The following VRK3 variants were observed in gnomAD, a reference collection of about 807,000 sequenced individuals.
VRK3 encodes serine/threonine-protein kinase VRK3.
Under a neutral mutation model 60.4 loss-of-function variants are expected in VRK3, and 50 were observed. The ratio of observed to expected loss-of-function variants is 0.83; its 90% confidence interval spans 0.66 to 1.05. The LOEUF (loss-of-function observed/expected upper bound fraction) is 1.05. Among genes scored for constraint, VRK3 ranks in the 50% least tolerant of loss-of-function variants. The pLI, the probability that VRK3 is intolerant of heterozygous loss-of-function variation, is 0.00. For missense variants in VRK3, 549 were observed against 585.3 expected (o/e 0.94, Z 0.64); for synonymous variants, 246 against 227.8 (o/e 1.08, Z -0.72).
intron 5 of VRK3, among the ~76,000 whole-genome samples, chr19:50,001,627 G>C (rs1028151372): frequency 6.6e-6 from 1 of 152,194 alleles, no homozygotes; most frequent in Non-Finnish European, 1.5e-5. Context: ...TCCCCCGACA[G>C]AGCCTGCTCC....
chr19:50,008,237 T>C (rs1164802858), intron 4 of VRK3, among the ~76,000 whole-genome samples: 1 of 152,002 alleles, frequency 6.6e-6, no homozygotes, highest in African/African-American at 2.4e-5. Context: ...TCTAGACATT[T>C]ACCCAAAAAC....
Position 50,007,756 on chromosome 19 carries a change from C to T in VRK3, c.360G>A (p.Arg120=). 1 of 1,614,032 alleles carries T rather than the reference C, an allele frequency of 6.2e-7. No homozygotes were observed. The highest frequency in any genetic ancestry group is 8.5e-7 in the Non-Finnish European group (1 of 1,180,030). The change falls in exon 5 of 15, where the codon AGG becomes AGA. Residue 120 remains arginine, a synonymous_variant. Coordinates refer to ENST00000316763, the MANE Select transcript of VRK3 (RefSeq NM_016440.4). ...QKTRKSPQVT[R]GSPQKTSCSP... ...TACAGCTGGTCTTCTGAGGGCTACC[C>T]CTGGTCACCTGAGGGCTCTTCCTGG...
intron 7 of VRK3, 59 bp downstream of exon 7, chr19:49,997,445 T>C (rs2076724843): frequency 6.3e-7 from 1 of 1,589,442 alleles, no homozygotes; most frequent in Non-Finnish European, 8.6e-7. Flanking sequence ...AGTCAAGTGC[T>C]GTGACCAAGT....
intron 1 of VRK3, among the ~76,000 whole-genome samples, chr19:50,021,682 T>C (rs2077172592): frequency 6.6e-6 from 1 of 152,214 alleles, no homozygotes; most frequent in Non-Finnish European, 1.5e-5. Flanking sequence ...ATAGGATCCA[T>C]GGGCACAAGA....
intron 3 of VRK3, among the ~76,000 whole-genome samples, chr19:50,015,102 C>T (rs1221672800): frequency 6.6e-6 from 1 of 152,006 alleles, no homozygotes; most frequent in African/African-American, 2.4e-5. Flanking sequence ...GAATGGAGTG[C>T]TATTCATGGC....
Position 49,978,103 on chromosome 19 carries a change from C to A in VRK3, c.*11+980G>T, listed in dbSNP as rs1411191637. Among the ~76,000 whole-genome samples, 11 of 152,266 alleles carry A rather than the reference C, an allele frequency of 7.2e-5. No homozygotes were observed. The South Asian group carries it at 2.3e-3, about 32-fold the overall frequency. On this transcript the variant is annotated intron_variant, in intron 14 of 14. Coordinates refer to ENST00000316763, the MANE Select transcript of VRK3 (RefSeq NM_016440.4). ...ATCTCACAATCGTGGTGCTGCTGAC[C>A]ACGGGGCCGGGGGATTCTTTGTGGG...
chr19:50,016,154 G>C lies in VRK3; in HGVS notation c.9C>G (p.Ser3=). The change falls in exon 3 of 15, where the codon TCC becomes TCG. Residue 3 remains serine (S), a synonymous_variant. Coordinates refer to ENST00000316763, the MANE Select transcript of VRK3 (RefSeq NM_016440.4). MI[S]FCPDCGKSIQ... ...TACTTTTGCCACAGTCTGGACAGAA[G>C]GAGATCATGCTACAAAACAGAATGA... is the stretch of plus-strand genomic sequence containing the variant. 6.2e-7 allele frequency: 1 copy of C among 1,614,130 alleles called. No homozygotes were observed. The highest frequency in any genetic ancestry group is 1.1e-5 in the South Asian group (1 of 91,086).
At chr19:50,024,201 G>C (rs1317852214) in intron 1 of VRK3, among the ~76,000 whole-genome samples, 1 of 152,180 alleles carries the variant, frequency 6.6e-6, no homozygotes, top group African/African-American at 2.4e-5. Flanking sequence ...GTCTCCTAAA[G>C]TGCTGGGACT....
intron 12 of VRK3, among the ~76,000 whole-genome samples, chr19:49,985,701 G>T (rs11083993): frequency 6.6e-6 from 1 of 152,128 alleles, no homozygotes; most frequent in African/African-American, 2.4e-5. Flanking sequence ...CCTGAGGGCA[G>T]GGATTTTTGT....
intron 5 of VRK3, among the ~76,000 whole-genome samples, chr19:50,002,342 A>G (rs1292994721): frequency 6.6e-6 from 1 of 152,136 alleles, no homozygotes; most frequent in Non-Finnish European, 1.5e-5. Flanking sequence ...CTCTGAGCCC[A>G]GGGGAAGAGA....
intron 10 of VRK3, 21 bp downstream of exon 10, chr19:49,992,839 T>A (rs1052833141): frequency 3.7e-6 from 6 of 1,611,310 alleles, no homozygotes; most frequent in Non-Finnish European, 5.1e-6. Context: ...TCTTCCAGAG[T>A]GGGCAGGAGC....
At chr19:49,979,358 AG>A (rs1393028860) in intron 13 of VRK3, 116 bp from the exon 14 acceptor site, 4 of 950,414 alleles carry the variant, frequency 4.2e-6, no homozygotes, top group Non-Finnish European at 5.8e-6. Context: ...TGAGGGTCTC[AG>A]CAAAAGTGCC....
chr19:49,994,348 C>G (rs1289750955), intron 9 of VRK3, among the ~76,000 whole-genome samples: 2 of 152,222 alleles, frequency 1.3e-5, no homozygotes, highest in Non-Finnish European at 2.9e-5. Context: ...GGGACAGCGT[C>G]TGGCACCCAG....
At chr19:50,015,962 GAC>G (rs2077069286) in intron 3 of VRK3, 60 bp downstream of exon 3, 13 of 1,603,366 alleles carry the variant, frequency 8.1e-6, no homozygotes, top group South Asian at 7.7e-5. Context: ...TCCCTCCGCA[GAC>G]ACACACGTGT....
chr19:50,023,700 T>C (rs2077208280), intron 1 of VRK3, among the ~76,000 whole-genome samples: 1 of 151,444 alleles, frequency 6.6e-6, no homozygotes, highest in Admixed American at 6.6e-5. Context: ...GAATAAATCA[T>C]TGTCTCCTTT....
chr19:49,988,604 C>T, intron 11 of VRK3, 112 bp from the exon 12 acceptor site: 1 of 1,405,322 alleles, frequency 7.1e-7, no homozygotes, highest in Non-Finnish European at 9.4e-7. Flanking sequence ...CACTCATACA[C>T]CCAGCCTTCC....
At chr19:50,013,121 C>A (rs529589757) in intron 3 of VRK3, among the ~76,000 whole-genome samples, 1 of 152,050 alleles carries the variant, frequency 6.6e-6, no homozygotes, top group Non-Finnish European at 1.5e-5. Context: ...GAGCCAAGAT[C>A]GCGTCACTGC....
chr19:50,010,624 C>T (rs2076979565), intron 3 of VRK3, among the ~76,000 whole-genome samples: 1 of 152,192 alleles, frequency 6.6e-6, no homozygotes, highest in South Asian at 2.1e-4. Context: ...TAGGAACTCT[C>T]CAAGAAGGCT....
At chr19:50,009,656 T>C (rs2076961830) in intron 3 of VRK3, among the ~76,000 whole-genome samples, 1 of 152,146 alleles carries the variant, frequency 6.6e-6, no homozygotes, top group Middle Eastern at 3.2e-3. Flanking sequence ...ATATTTGAGA[T>C]GGAGTCTCAC....
Sources: allele counts gnomAD v4.1 joint callset (sites outside exome capture counted in the v4.1 genomes callset), GRCh38; gene constraint gnomAD v4.1.1; transcripts MANE v1.5; gene names NCBI Gene and HGNC (gene_info 2026-07-23, HGNC 2026-07-21).